Variants in MICU2 observed in about 807,000 individuals in gnomAD.
MICU2 encodes mitochondrial calcium uptake 2, also known as calcium uptake protein 2, mitochondrial.
Under a neutral mutation model 60.4 loss-of-function variants are expected in MICU2, and 64 were observed. The ratio of observed to expected loss-of-function variants is 1.06; its 90% CI spans 0.87 to 1.31. The LOEUF is 1.31. Ranked by LOEUF, MICU2 falls within the 50% of genes most tolerant of loss-of-function variation. The pLI is 0.00. For missense variants in MICU2, 569 were observed against 531.0 expected, an observed-to-expected ratio of 1.07 and a Z score of -0.70; for synonymous variants, 201 against 175.0, an observed-to-expected ratio of 1.15 and a Z score of -1.17.
chr13:21,525,797 CTTA>C (rs1011355507), intron 4 of MICU2, among the ~76,000 whole-genome samples: 2 of 151,822 alleles, frequency 1.3e-5, no homozygotes, highest in African/African-American at 4.8e-5. Context: ...GTTATTATCC[CTTA>C]TTATATATAT....
intron 2 of MICU2, among the ~76,000 whole-genome samples, chr13:21,565,250 G>A (rs1233640057): frequency 1.3e-5 from 2 of 152,232 alleles, no homozygotes; most frequent in Non-Finnish European, 2.9e-5. Context: ...AACCTAGGCT[G>A]GGCGAGGTGG....
intron 1 of MICU2, among the ~76,000 whole-genome samples, chr13:21,575,494 G>A (rs1425237033): frequency 2.0e-5 from 3 of 151,430 alleles, no homozygotes; most frequent in African/African-American, 7.3e-5. Flanking sequence ...AGGCCAAAGT[G>A]GGAGGATCCC....
chr13:21,532,075 A>T, intron 4 of MICU2, among the ~76,000 whole-genome samples: 1 of 152,216 alleles, frequency 6.6e-6, no homozygotes, highest in East Asian at 1.9e-4. Context: ...CAATATGAAA[A>T]GCTGCTCCAC....
At position 21,575,583 on chromosome 13, in the gene MICU2, G is replaced by C. The variant is rs554125905; in HGVS notation, c.211-8639C>G. On this transcript the variant is annotated intron_variant, in intron 1 of 11. Transcript: ENST00000382374. Reference sequence around the variant, plus strand: ...ACAAAAAAACACACAAATTAGCTAGGCATGGTGGCTCACACCTGTGGTCCC... The same window carrying C: ...ACAAAAAAACACACAAATTAGCTAGCCATGGTGGCTCACACCTGTGGTCCC... Among the ~76,000 whole-genome samples the C allele has an allele frequency of 2.6e-5, 4 of 151,670 alleles. No homozygotes were observed. The East Asian group carries it at 7.8e-4, about 30-fold the overall frequency.
chr13:21,584,696 A>G (rs1014820078), intron 1 of MICU2, among the ~76,000 whole-genome samples: 1 of 152,158 alleles, frequency 6.6e-6, no homozygotes, highest in African/African-American at 2.4e-5. Context: ...TACTCTGAAA[A>G]CATTTAATAA....
chr13:21,600,147 G>A (rs539880576), intron 1 of MICU2, among the ~76,000 whole-genome samples: 3 of 152,224 alleles, frequency 2.0e-5, no homozygotes, highest in South Asian at 4.2e-4. Flanking sequence ...TCCTGCAATG[G>A]CTTCCTGCTG....
At chr13:21,583,662 C>G (rs1398181475) in intron 1 of MICU2, among the ~76,000 whole-genome samples, 1 of 152,192 alleles carries the variant, frequency 6.6e-6, no homozygotes, top group Non-Finnish European at 1.5e-5. Context: ...GCTAAAGCAA[C>G]AGTCAAAGCA....
rs1886745752 is a variant in MICU2, at chr13:21,522,609, G to C, written c.508C>G (p.Leu170Val). The C allele has an allele frequency of 1.2e-6, 2 of 1,601,488 alleles. No homozygotes were observed. The highest frequency in any genetic ancestry group is 1.7e-6 in the Non-Finnish European group (2 of 1,173,696). The stretch of plus-strand genomic sequence containing the variant: ...AAAACTGTGGGATACTTACTAGTGA[G>C]GATTGTAAGCAAGAAAAGATACTCG... The part of the protein sequence containing the change: ...YTEYLFLLTI[L>V]TKPHSGFHVA... Residue 170 changes from leucine (L) to valine (V), a missense_variant, in exon 5 of 12, where the codon CTC becomes GTC. Leu to Val is a conservative substitution (Grantham distance 32). Coordinates refer to ENST00000382374, the MANE Select transcript of MICU2 (RefSeq NM_152726.3).
At chr13:21,586,616 T>C (rs1271227135) in intron 1 of MICU2, among the ~76,000 whole-genome samples, 1 of 152,142 alleles carries the variant, frequency 6.6e-6, no homozygotes, top group Non-Finnish European at 1.5e-5. Context: ...CTTGCTGTAT[T>C]GCCCAGGCTG....
At chr13:21,502,686 G>A (rs979291784) in intron 9 of MICU2, 15 of 392,998 alleles carry the variant, frequency 3.8e-5, no homozygotes, top group Non-Finnish European at 6.3e-5. Context: ...TTAAATAACA[G>A]TAGTGATACT....
At position 21,603,924 on chromosome 13, in the gene MICU2, G is replaced by T. The variant is rs368414866; in HGVS notation, c.210+15C>A. ...GGAGCTTGACTGGGGCTAGCAGAAG[G>T]AGTTAGTCCTGTACCTGTGCGGAGA... is the stretch of plus-strand genomic sequence containing the variant. On this transcript the variant is annotated intron_variant, in intron 1 of 11. Coordinates refer to ENST00000382374, the MANE Select transcript of MICU2 (RefSeq NM_152726.3). 23 of 1,611,050 alleles carry T rather than the reference G, an allele frequency of 1.4e-5. No individual in the cohort carries two copies. Among genetic ancestry groups the T allele is most frequent in the South Asian group, 1.1e-4 (10 of 91,014 alleles).
Position 21,522,594 on chromosome 13 carries a change from G to T in MICU2, c.514+9C>A, listed in dbSNP as rs754515004. 1.3e-6 allele frequency: 2 copies of T among 1,591,380 alleles called. No individual in the cohort carries two copies. The highest frequency in any genetic ancestry group is 1.7e-6 in the Non-Finnish European group (2 of 1,168,248). On this transcript the variant is annotated intron_variant, in intron 5 of 11. Transcript: ENST00000382374. The stretch of plus-strand genomic sequence containing the variant: ...ACATGATCTCTGAGAAAAACTGTGG[G>T]ATACTTACTAGTGAGGATTGTAAGC...
At chr13:21,563,051 C>T (rs1887886137) in intron 2 of MICU2, among the ~76,000 whole-genome samples, 1 of 152,022 alleles carries the variant, frequency 6.6e-6, no homozygotes, top group African/African-American at 2.4e-5. Flanking sequence ...TTTTATCCAC[C>T]CTCTTCTTGC....
At chr13:21,548,944 T>TG (rs1887480391) in intron 2 of MICU2, among the ~76,000 whole-genome samples, 5 of 143,416 alleles carry the variant, frequency 3.5e-5, no homozygotes, top group East Asian at 2.0e-4. Flanking sequence ...TTTTTTTTTT[T>TG]GGGACGGAGT....
intron 1 of MICU2, among the ~76,000 whole-genome samples, chr13:21,583,211 T>C (rs1263641874): frequency 6.6e-6 from 1 of 152,144 alleles, no homozygotes; most frequent in Non-Finnish European, 1.5e-5. Context: ...ATTGCACCAC[T>C]ATGCTCTGGC....
At chr13:21,584,222 T>C (rs2138061307) in intron 1 of MICU2, among the ~76,000 whole-genome samples, 1 of 152,102 alleles carries the variant, frequency 6.6e-6, no homozygotes, top group African/African-American at 2.4e-5. Context: ...ACCCCGTCTC[T>C]ACTAAAAATA....
At chr13:21,570,894 C>T (rs924392958) in intron 1 of MICU2, among the ~76,000 whole-genome samples, 3 of 152,224 alleles carry the variant, frequency 2.0e-5, no homozygotes, top group Non-Finnish European at 4.4e-5. Flanking sequence ...TAGGGAAATG[C>T]ATGCCAAATT....
intron 2 of MICU2, among the ~76,000 whole-genome samples, chr13:21,552,931 A>G (rs1318101985): frequency 2.0e-5 from 3 of 152,132 alleles, no homozygotes; most frequent in Non-Finnish European, 4.4e-5. Flanking sequence ...TTGGTTCCAT[A>G]TGAACTTTAA....
chr13:21,539,401 A>T (rs1593333733), intron 3 of MICU2, 24 bp from the exon 4 acceptor site: 2 of 1,597,970 alleles, frequency 1.3e-6, no homozygotes, highest in Non-Finnish European at 1.7e-6. Flanking sequence ...TATTAAAATT[A>T]AACTTCTAAA....
Sources: gnomAD v4.1 joint callset for allele counts (sites outside exome capture counted in the v4.1 genomes callset) on GRCh38, gnomAD v4.1.1 for gene constraint, MANE v1.5 for transcripts, NCBI Gene and HGNC (gene_info 2026-07-23, HGNC 2026-07-21) for gene names.